Variants in MAMDC2 observed in about 807,000 individuals in gnomAD.
MAMDC2 encodes MAM domain-containing protein 2.
A neutral mutation model predicts 89.8 loss-of-function variants in MAMDC2; 57 were observed. The ratio of observed to expected loss-of-function variants is 0.63; its 90% CI spans 0.51 to 0.79. MAMDC2 has a LOEUF of 0.79. Ranked by LOEUF, MAMDC2 falls within the 30% of genes least tolerant of loss-of-function variation. MAMDC2 has a pLI of 0.00. For missense variants in MAMDC2, 800 were observed against 820.6 expected, an observed-to-expected ratio of 0.97 and a Z score of 0.31; for synonymous variants, 313 against 293.4, an observed-to-expected ratio of 1.07 and a Z score of -0.68.
intron 2 of MAMDC2, among the ~76,000 whole-genome samples, chr9:70,068,085 T>C (rs1360277738): frequency 6.6e-6 from 1 of 152,172 alleles, no homozygotes; most frequent in Non-Finnish European, 1.5e-5. Context: ...CATGCTACCA[T>C]CGTGAGCTGG....
chr9:70,170,453 T>A lies in MAMDC2; in HGVS notation c.1499-26T>A. 3 of 1,587,246 alleles carry A rather than the reference T, an allele frequency of 1.9e-6. No individual in the cohort carries two copies. In the South Asian group the frequency reaches 3.5e-5, roughly 19 times the overall value. On this transcript the variant is annotated intron_variant, in intron 10 of 13. Transcript: ENST00000377182. Reference sequence around the variant, plus strand: ...AGAGTCATTGAAAGAGTCTCAGTGATTGCAACATCTGCTATTTTCTTGCAG... The same window carrying A: ...AGAGTCATTGAAAGAGTCTCAGTGAATGCAACATCTGCTATTTTCTTGCAG...
At chr9:70,101,969 A>G (rs1259531236) in intron 2 of MAMDC2, among the ~76,000 whole-genome samples, 1 of 152,202 alleles carries the variant, frequency 6.6e-6, no homozygotes, top group African/African-American at 2.4e-5. Flanking sequence ...TATACGTATT[A>G]TGCCATTTTT....
intron 6 of MAMDC2, among the ~76,000 whole-genome samples, chr9:70,130,091 C>T (rs1403800139): frequency 1.3e-5 from 2 of 151,354 alleles, no homozygotes; most frequent in South Asian, 2.1e-4. Flanking sequence ...GGACACCAGT[C>T]GTTTAAATTA....
intron 2 of MAMDC2, among the ~76,000 whole-genome samples, chr9:70,078,446 A>T (rs1402483332): frequency 3.3e-5 from 5 of 152,226 alleles, no homozygotes; most frequent in Admixed American, 3.3e-4. Context: ...GACTCAAGCA[A>T]CCTTGGGTAT....
intron 5 of MAMDC2, among the ~76,000 whole-genome samples, chr9:70,116,469 T>C (rs147137340): frequency 6.8e-6 from 1 of 148,142 alleles, no homozygotes; most frequent in Non-Finnish European, 1.5e-5. Context: ...CAGAGTACTT[T>C]ATTACCTTGA....
At chr9:70,135,076 C>T (rs1000399676) in intron 7 of MAMDC2, among the ~76,000 whole-genome samples, 1 of 152,190 alleles carries the variant, frequency 6.6e-6, no homozygotes, top group African/African-American at 2.4e-5. Context: ...AACACACTCC[C>T]GCTAATTAGA....
chr9:70,149,207 C>CA (rs3071388), intron 9 of MAMDC2, among the ~76,000 whole-genome samples: 30 of 109,704 alleles, frequency 2.7e-4, no homozygotes, highest in African/African-American at 6.3e-4. Context: ...GACCCCATCT[C>CA]AAAAAAAAAA....
chr9:70,087,532 C>T (rs1827797949), intron 2 of MAMDC2: 3 of 152,078 alleles, frequency 2.0e-5, no homozygotes, highest in Admixed American at 2.0e-4. Flanking sequence ...AATTGAGTCT[C>T]ATTTACCTGA....
chr9:70,170,520 G>C lies in MAMDC2; in HGVS notation c.1540G>C (p.Asp514His). Residue 514 changes from aspartate to histidine, a missense_variant, in exon 11 of 14, where the codon GAT becomes CAT. Coordinates refer to ENST00000377182, the MANE Select transcript of MAMDC2 (RefSeq NM_153267.5). ...PPPGECTFEQ[D>H]ECTFTQEKRN... ...ACCTGGAGAGTGTACTTTCGAGCAAGATGAATGTACATTTACTCAGGAGAA... is the reference window on the plus strand; with the variant it reads ...ACCTGGAGAGTGTACTTTCGAGCAACATGAATGTACATTTACTCAGGAGAA... The C allele has an allele frequency of 6.2e-7, 1 of 1,612,748 alleles. No individual in the cohort carries two copies. The highest frequency in any genetic ancestry group is 1.8e-4 in the Middle Eastern group (1 of 5,584).
intron 2 of MAMDC2, among the ~76,000 whole-genome samples, chr9:70,075,309 G>A (rs1338098328): frequency 6.6e-6 from 1 of 152,116 alleles, no homozygotes; most frequent in Non-Finnish European, 1.5e-5. Flanking sequence ...GCTGTGATTC[G>A]GCAGGGATGT....
At chr9:70,052,819 A>G (rs2117991130) in intron 2 of MAMDC2, among the ~76,000 whole-genome samples, 1 of 152,360 alleles carries the variant, frequency 6.6e-6, no homozygotes, top group Non-Finnish European at 1.5e-5. Context: ...AAGAGTTTGA[A>G]GGCTTATGCT....
intron 12 of MAMDC2, among the ~76,000 whole-genome samples, chr9:70,219,029 G>C (rs895595602): frequency 6.6e-6 from 1 of 152,140 alleles, no homozygotes; most frequent in Non-Finnish European, 1.5e-5. Context: ...GCATGGTCCA[G>C]AGTAAGTTTT....
At chr9:70,155,602 A>C (rs1054127439) in intron 9 of MAMDC2, among the ~76,000 whole-genome samples, 1 of 152,166 alleles carries the variant, frequency 6.6e-6, no homozygotes, top group African/African-American at 2.4e-5. Context: ...GATGAACAAT[A>C]AACCTTCCTT....
chr9:70,115,422 T>G (rs923035572), intron 5 of MAMDC2, among the ~76,000 whole-genome samples: 19 of 151,960 alleles, frequency 1.3e-4, no homozygotes, highest in Non-Finnish European at 2.5e-4. Context: ...TGGTGCAATC[T>G]CAGCTCAGTG....
At chr9:70,218,192 A>T in intron 11 of MAMDC2, 145 bp from the exon 12 acceptor site, 2 of 771,164 alleles carry the variant, frequency 2.6e-6, no homozygotes, top group East Asian at 5.4e-5. Flanking sequence ...CTCCTTAGAT[A>T]ATATGCATTC....
chr9:70,226,103 T>C lies in MAMDC2; in HGVS notation c.*71T>C. On this transcript the variant is annotated 3_prime_UTR_variant, in exon 14 of 14. Coordinates refer to ENST00000377182, the MANE Select transcript of MAMDC2 (RefSeq NM_153267.5). Reference sequence around the variant, plus strand: ...TCAATCAAAATGAAAACAAAGCAAATGAATACTGGACAGTCTTAACAATTT... The same window carrying C: ...TCAATCAAAATGAAAACAAAGCAAACGAATACTGGACAGTCTTAACAATTT... The C allele has an allele frequency of 2.2e-6, 2 of 891,952 alleles. No homozygotes were observed. The highest frequency in any genetic ancestry group is 3.5e-6 in the Non-Finnish European group (2 of 573,464). 55.3% of individuals were successfully genotyped at this position (891,952 alleles called of 1,614,324 possible).
Position 70,126,232 on chromosome 9 carries a change from C to A in MAMDC2, c.717C>A (p.Thr239=). The part of the protein sequence containing the change: ...QEVAQLISPL[T]TAPMAGCLSF... ...TGGCACAGCTCATCTCCCCGTTGAC[C>A]ACGGCCCCCATGGCTGGCTGCCTGT... The change falls in exon 6 of 14, where the codon ACC becomes ACA. Residue 239 remains threonine, a synonymous_variant. Coordinates refer to ENST00000377182, the MANE Select transcript of MAMDC2 (RefSeq NM_153267.5). 1.2e-6 allele frequency: 2 copies of A among 1,614,144 alleles called. No homozygotes were observed. Among genetic ancestry groups the A allele is most frequent in the South Asian group, 2.2e-5 (2 of 91,074 alleles).
At position 70,189,371 on chromosome 9, in the gene MAMDC2, TAC is replaced by T. The variant is rs371158128; in HGVS notation, c.1651+18742_1651+18743del. Among the ~76,000 whole-genome samples, 52 of 152,310 alleles carry T rather than the reference TAC, an allele frequency of 3.4e-4. 1 individual carries two copies. The highest frequency in any genetic ancestry group is 1.2e-3 in the African/African-American group (49 of 41,578). The stretch of plus-strand genomic sequence containing the variant: ...TGTCATCTCACTATCTTCTGGCCTT[TAC>T]AGTTTCTGATGAGGAGTTAGCTGTT... On this transcript the variant is annotated intron_variant, in intron 11 of 13. Transcript: ENST00000377182.
intron 9 of MAMDC2, among the ~76,000 whole-genome samples, chr9:70,160,871 T>G (rs1037102378): frequency 1.3e-5 from 2 of 151,378 alleles, no homozygotes; most frequent in Middle Eastern, 3.4e-3. Flanking sequence ...GGAAGCTTGT[T>G]GTAAACACAA....
Sources: gnomAD v4.1 joint callset for allele counts (sites outside exome capture counted in the v4.1 genomes callset) on GRCh38, gnomAD v4.1.1 for gene constraint, MANE v1.5 for transcripts, NCBI Gene and HGNC (gene_info 2026-07-23, HGNC 2026-07-21) for gene names.